Variants in SLC22A4 observed in about 807,000 individuals in gnomAD.
The protein encoded by SLC22A4 is solute carrier family 22 member 4.
In SLC22A4, 39 loss-of-function variants were observed where a neutral mutation model predicts 56.6. The observed-to-expected ratio is 0.69, with a 90% confidence interval of 0.53 to 0.90. SLC22A4 has a LOEUF of 0.90. SLC22A4 is among the 40% of genes least tolerant of loss of function. SLC22A4 has a pLI of 0.00. For missense variants in SLC22A4, 594 were observed against 696.5 expected (o/e 0.85, Z 1.66); for synonymous variants, 241 against 281.4 (o/e 0.86, Z 1.44).
Position 132,294,837 on chromosome 5 carries a change from G to A in SLC22A4, c.221G>A (p.Gly74Asp), listed in dbSNP as rs761710621. ...NNSVPLRLRD[G>D]REVPHSCSRY... ...AGTGTCCCGCTGCGGCTGCGGGACG[G>A]CCGCGAGGTGCCCCACAGCTGCAGC... is the stretch of plus-strand genomic sequence containing the variant. The change falls in exon 1 of 10, where the codon GGC becomes GAC. Residue 74 changes from glycine (G) to aspartate (D), a missense_variant. Physicochemically the swap from Gly to Asp is moderately conservative, Grantham distance 94. Coordinates refer to ENST00000200652, the MANE Select transcript of SLC22A4 (RefSeq NM_003059.3). This position sits in a 1 kb window ranked among gnomAD's most constrained non-coding sequence, Gnocchi z 5.6. 2.5e-5 allele frequency: 40 copies of A among 1,609,584 alleles called. No individual in the cohort carries two copies. The South Asian group carries it at 4.2e-4, about 17-fold the overall frequency.
chr5:132,296,042 C>T (rs1749770534), intron 1 of SLC22A4, among the ~76,000 whole-genome samples: 3 of 152,246 alleles, frequency 2.0e-5, no homozygotes, highest in Admixed American at 2.0e-4. Context: ...AGAAGGCTAA[C>T]ATTAACCCTG....
chr5:132,301,222 C>T (rs549118036), intron 1 of SLC22A4, among the ~76,000 whole-genome samples: 1 of 152,382 alleles, frequency 6.6e-6, no homozygotes, highest in African/African-American at 2.4e-5. Flanking sequence ...TCATTAGGGT[C>T]TTGACCTTCC....
intron 1 of SLC22A4, among the ~76,000 whole-genome samples, chr5:132,302,403 G>T (rs574116570): frequency 6.6e-6 from 1 of 152,250 alleles, no homozygotes; most frequent in East Asian, 1.9e-4. Context: ...ATTCAATTTA[G>T]GTGTAAGACT....
chr5:132,338,736 C>A (rs180923305), intron 8 of SLC22A4, among the ~76,000 whole-genome samples: 1 of 152,336 alleles, frequency 6.6e-6, no homozygotes, highest in East Asian at 1.9e-4. Flanking sequence ...GACTCACCAG[C>A]GGTCAGAGTT....
intron 8 of SLC22A4, among the ~76,000 whole-genome samples, chr5:132,336,702 A>T (rs1280613841): frequency 6.6e-6 from 1 of 152,216 alleles, no homozygotes; most frequent in African/African-American, 2.4e-5. Context: ...AGTACATTTT[A>T]AAATAAGTAT....
chr5:132,323,995 C>G (rs1158183803), intron 4 of SLC22A4, among the ~76,000 whole-genome samples: 1 of 152,122 alleles, frequency 6.6e-6, no homozygotes, highest in Non-Finnish European at 1.5e-5. Flanking sequence ...CAGTTCAAAA[C>G]CAGCCTGGGC....
At chr5:132,315,571 A>T (rs1385428787) in intron 3 of SLC22A4, among the ~76,000 whole-genome samples, 3 of 152,078 alleles carry the variant, frequency 2.0e-5, no homozygotes, top group Non-Finnish European at 4.4e-5. Flanking sequence ...TGACACTATC[A>T]TCTACTCTCC....
Position 132,322,333 on chromosome 5 carries a change from G to C in SLC22A4, c.802G>C (p.Val268Leu), listed in dbSNP as rs758993571. The stretch of plus-strand genomic sequence containing the variant: ...GCTGCTGGCGCTGACGGTGCCGGGA[G>C]TGCTGTGTGTCCCGCTGTGGTGGTG... ...MLLLALTVPG[V>L]LCVPLWWFIP... The change falls in exon 4 of 10, where the codon GTG becomes CTG. Residue 268 changes from valine (V) to leucine (L), a missense_variant. By Grantham distance (32) the Val-to-Leu change is conservative. Transcript: ENST00000200652. 5.7e-5 allele frequency: 92 copies of C among 1,613,616 alleles called. No homozygotes were observed. Among genetic ancestry groups the C allele is most frequent in the Non-Finnish European group, 7.3e-5 (86 of 1,179,952 alleles).
At chr5:132,338,730 C>T (rs542022647) in intron 8 of SLC22A4, among the ~76,000 whole-genome samples, 99 of 152,352 alleles carry the variant, frequency 6.5e-4, no homozygotes, top group African/African-American at 1.8e-3. Context: ...CTGCCCGACT[C>T]ACCAGCGGTC....
chr5:132,295,726 G>A, intron 1 of SLC22A4: 2 of 176,530 alleles, frequency 1.1e-5, no homozygotes, highest in Non-Finnish European at 2.4e-5. Flanking sequence ...TCCCGCTTTT[G>A]CTGCTTCACA....
intron 3 of SLC22A4, among the ~76,000 whole-genome samples, chr5:132,317,308 C>G (rs1003064456): frequency 4.6e-5 from 7 of 152,198 alleles, no homozygotes; most frequent in African/African-American, 1.7e-4. Flanking sequence ...AACTCCTCAT[C>G]ACCCTGAAAA....
At chr5:132,325,865 C>T (rs956040657) in intron 4 of SLC22A4, among the ~76,000 whole-genome samples, 2 of 152,202 alleles carry the variant, frequency 1.3e-5, no homozygotes, top group Non-Finnish European at 2.9e-5. Flanking sequence ...CCATAAGACA[C>T]GCCCACCCGT....
chr5:132,326,240 TATC>T (rs2126727288), intron 4 of SLC22A4, among the ~76,000 whole-genome samples: 1 of 152,342 alleles, frequency 6.6e-6, no homozygotes, highest in South Asian at 2.1e-4. Flanking sequence ...CCCTACCAAA[TATC>T]ATAGCTCAGC....
chr5:132,306,503 G>C (rs1750044276), intron 1 of SLC22A4, among the ~76,000 whole-genome samples: 1 of 139,750 alleles, frequency 7.2e-6, no homozygotes. Context: ...CTGGAGTGCA[G>C]TGGTGTGATC....
intron 1 of SLC22A4, among the ~76,000 whole-genome samples, chr5:132,302,122 C>G (rs1038298910): frequency 2.6e-5 from 4 of 152,228 alleles, no homozygotes; most frequent in Admixed American, 2.0e-4. Flanking sequence ...CTGCCTCACC[C>G]CAAACTGTTT....
At chr5:132,320,494 G>A (rs936592126) in intron 3 of SLC22A4, among the ~76,000 whole-genome samples, 1 of 152,190 alleles carries the variant, frequency 6.6e-6, no homozygotes, top group African/African-American at 2.4e-5. Flanking sequence ...AAGAAGTCAG[G>A]CCCTATCCTT....
At chr5:132,302,277 A>G (rs918648649) in intron 1 of SLC22A4, among the ~76,000 whole-genome samples, 10 of 152,062 alleles carry the variant, frequency 6.6e-5, no homozygotes, top group African/African-American at 2.4e-4. Flanking sequence ...GAACTCTCAG[A>G]CAGAGTCCAA....
At chr5:132,311,785 C>CT in intron 1 of SLC22A4, 1 of 333,480 alleles carries the variant, frequency 3.0e-6, no homozygotes, top group Non-Finnish European at 5.8e-6. Flanking sequence ...CCCCTCCGCA[C>CT]TAGGCTGGCT....
In SLC22A4 at chr5:132,313,181, C is replaced by T. The variant is rs760821548; in HGVS notation, c.498-433C>T. Among the ~76,000 whole-genome samples, 165 of 152,256 alleles carry T rather than the reference C, an allele frequency of 1.1e-3. 2 individuals carry two copies. Among genetic ancestry groups the T allele is most frequent in the Middle Eastern group, 0.01 (3 of 294 alleles). ...GCATCAGTATTTTTTCCAAGCTCTCCGGGTGATTCCAAGTGCAGCCAAGGT... is the reference window on the plus strand; with the variant it reads ...GCATCAGTATTTTTTCCAAGCTCTCTGGGTGATTCCAAGTGCAGCCAAGGT... On this transcript the variant is annotated intron_variant, in intron 2 of 9. Transcript: ENST00000200652.
Sources: gnomAD v4.1 joint callset for allele counts (sites outside exome capture counted in the v4.1 genomes callset) on GRCh38, gnomAD v4.1.1 for gene constraint, Gnocchi (gnomAD v3.1) non-coding constraint, MANE v1.5 for transcripts, NCBI Gene and HGNC (gene_info 2026-07-23, HGNC 2026-07-21) for gene names.